NKAIN2: variants seen among roughly 807,000 people sequenced by gnomAD.
NKAIN2 encodes the protein sodium/potassium transporting ATPase interacting 2.
A neutral mutation model predicts 32.6 loss-of-function variants in NKAIN2; 14 were observed. The observed-to-expected ratio is 0.43, with a 90% confidence interval of 0.28 to 0.67. The LOEUF (loss-of-function observed/expected upper bound fraction) is 0.67, where lower values mean the gene tolerates loss of function less well. Among genes scored for constraint, NKAIN2 ranks in the 30% least tolerant of loss-of-function variants. The pLI is 0.17. For missense variants in NKAIN2, 198 were observed against 258.3 expected (o/e 0.77, Z 1.60); for synonymous variants, 80 against 87.2 (o/e 0.92, Z 0.46).
chr6:124,248,154 A>G (rs1174565134), intron 1 of NKAIN2, among the ~76,000 whole-genome samples: 2 of 152,100 alleles, frequency 1.3e-5, no homozygotes, highest in Admixed American at 6.6e-5. Context: ...AAATTTTAAT[A>G]AGATTTTCTG....
intron 3 of NKAIN2, among the ~76,000 whole-genome samples, chr6:124,574,255 T>A (rs964003228): frequency 2.0e-5 from 3 of 152,046 alleles, no homozygotes; most frequent in African/African-American, 7.2e-5. Flanking sequence ...CATTTTAGTG[T>A]TCTGCCTAAA....
chr6:124,808,536 G>T (rs1430974373), intron 5 of NKAIN2, among the ~76,000 whole-genome samples: 1 of 152,134 alleles, frequency 6.6e-6, no homozygotes, highest in Non-Finnish European at 1.5e-5. Flanking sequence ...CATACTGAAT[G>T]GGCAAAAACT....
intron 2 of NKAIN2, among the ~76,000 whole-genome samples, chr6:124,286,673 T>C (rs11154207): frequency 0.04 from 4,069 of 101,834 alleles, 71 homozygotes; most frequent in Middle Eastern, 0.064. Context: ...TGTGTGTGTG[T>C]GCGCGCGCGT....
intron 1 of NKAIN2, among the ~76,000 whole-genome samples, chr6:123,967,399 C>T (rs1044601650): frequency 6.6e-6 from 1 of 152,178 alleles, no homozygotes; most frequent in Non-Finnish European, 1.5e-5. Context: ...ACTGGGAAGC[C>T]AGCTAATAAT....
At chr6:124,508,348 T>C (rs1778571827) in intron 3 of NKAIN2, among the ~76,000 whole-genome samples, 1 of 151,858 alleles carries the variant, frequency 6.6e-6, no homozygotes, top group Admixed American at 6.6e-5. Context: ...TTTTTTTTCT[T>C]TTCTTTTCTT....
intron 3 of NKAIN2, among the ~76,000 whole-genome samples, chr6:124,525,474 T>G (rs1779276716): frequency 6.6e-6 from 1 of 152,160 alleles, no homozygotes; most frequent in Admixed American, 6.6e-5. Flanking sequence ...ATATAACTTT[T>G]AATTTAATGA....
chr6:124,670,986 T>C (rs543064703), intron 4 of NKAIN2, among the ~76,000 whole-genome samples: 6 of 152,224 alleles, frequency 3.9e-5, no homozygotes, highest in South Asian at 2.1e-4. Flanking sequence ...AAGGGAGCAG[T>C]TGCACTTTTA....
At chr6:124,113,639 TC>T (rs1785484252) in intron 1 of NKAIN2, among the ~76,000 whole-genome samples, 2 of 152,064 alleles carry the variant, frequency 1.3e-5, no homozygotes, top group East Asian at 3.9e-4. Flanking sequence ...CCACCCTGCT[TC>T]CTTGGAAATG....
At chr6:124,190,523 G>A (rs1789963115) in intron 1 of NKAIN2, among the ~76,000 whole-genome samples, 1 of 152,198 alleles carries the variant, frequency 6.6e-6, no homozygotes, top group African/African-American at 2.4e-5. Flanking sequence ...ACGTTTGTTG[G>A]AAGGATGTGT....
At chr6:124,661,064 T>G (rs1784728899) in intron 4 of NKAIN2, among the ~76,000 whole-genome samples, 1 of 152,192 alleles carries the variant, frequency 6.6e-6, no homozygotes, top group South Asian at 2.1e-4. Context: ...TGTCTCCTTC[T>G]GGCATCTAGA....
intron 3 of NKAIN2, among the ~76,000 whole-genome samples, chr6:124,475,803 T>G (rs1777172372): frequency 6.6e-6 from 1 of 152,192 alleles, no homozygotes; most frequent in African/African-American, 2.4e-5. Flanking sequence ...ATTTATTTCT[T>G]TCCCGAAAGC....
At chr6:123,912,768 A>G (rs1775284806) in intron 1 of NKAIN2, among the ~76,000 whole-genome samples, 1 of 152,206 alleles carries the variant, frequency 6.6e-6, no homozygotes, top group Non-Finnish European at 1.5e-5. Flanking sequence ...CTGCAGGGGC[A>G]CCAGCCAAAT....
At chr6:124,697,834 G>A (rs111779746) in intron 4 of NKAIN2, among the ~76,000 whole-genome samples, 1 of 152,034 alleles carries the variant, frequency 6.6e-6, no homozygotes, top group African/African-American at 2.4e-5. Context: ...TAGTCCTGCC[G>A]CTAAAACTCC....
intron 3 of NKAIN2, among the ~76,000 whole-genome samples, chr6:124,579,762 G>T (rs2114936436): frequency 6.6e-6 from 1 of 152,240 alleles, no homozygotes; most frequent in South Asian, 2.1e-4. Flanking sequence ...ACCCAAATAA[G>T]ACTACCTTAA....
intron 4 of NKAIN2, among the ~76,000 whole-genome samples, chr6:124,709,043 C>T (rs1775277676): frequency 7.8e-6 from 1 of 128,188 alleles, no homozygotes; most frequent in Non-Finnish European, 1.7e-5. Context: ...GAGTTTTTAG[C>T]ATTAAGGGTT....
At chr6:124,814,852 T>A (rs1327150609) in intron 5 of NKAIN2, among the ~76,000 whole-genome samples, 1 of 152,158 alleles carries the variant, frequency 6.6e-6, no homozygotes, top group African/African-American at 2.4e-5. Flanking sequence ...TCATCTATTT[T>A]TTTTCTGCCA....
intron 1 of NKAIN2, among the ~76,000 whole-genome samples, chr6:124,258,100 G>A (rs1794037749): frequency 1.3e-5 from 2 of 151,076 alleles, no homozygotes; most frequent in Admixed American, 6.6e-5. Context: ...TTCTTAAACA[G>A]GCATATGAAG....
intron 1 of NKAIN2, among the ~76,000 whole-genome samples, chr6:124,263,701 A>T (rs948152057): frequency 1.2e-4 from 14 of 113,988 alleles, no homozygotes; most frequent in African/African-American, 5.5e-4. Context: ...TGCTACTATA[A>T]ATGTTTGTTT....
chr6:124,038,809 C>T (rs1781727962), intron 1 of NKAIN2, among the ~76,000 whole-genome samples: 1 of 152,070 alleles, frequency 6.6e-6, no homozygotes, highest in African/African-American at 2.4e-5. Context: ...GAACTTGGCA[C>T]CTTTGTTAGT....
Sources: allele counts gnomAD v4.1 joint callset (sites outside exome capture counted in the v4.1 genomes callset), GRCh38; gene constraint gnomAD v4.1.1; transcripts MANE v1.5; gene names NCBI Gene and HGNC (gene_info 2026-07-23, HGNC 2026-07-21).